DMAC2L: variants seen among roughly 807,000 people sequenced by gnomAD.
DMAC2L encodes the protein distal membrane arm assembly component 2 like, also known as ATP synthase subunit s, mitochondrial.
In DMAC2L, 21 loss-of-function variants were observed where a neutral mutation model predicts 22.5. The observed-to-expected ratio is 0.93, with a 90% confidence interval of 0.66 to 1.34. The LOEUF (loss-of-function observed/expected upper bound fraction) is 1.34. Ranked by LOEUF, DMAC2L falls within the 40% of genes most tolerant of loss-of-function variation. The pLI, the probability that DMAC2L is intolerant of heterozygous loss-of-function variation, is 0.00. For synonymous variants in DMAC2L, 86 were observed against 89.5 expected (o/e 0.96, Z 0.22); for missense variants, 239 against 246.5 (o/e 0.97, Z 0.20).
chr14:50,323,846 G>A (rs1324819163), intron 4 of DMAC2L, 99 bp from the exon 5 acceptor site: 14 of 979,586 alleles, frequency 1.4e-5, no homozygotes, highest in Non-Finnish European at 2.1e-5. Context: ...CCAGGACATA[G>A]GACTTTCAGT....
chr14:50,322,375 A>T (rs2032348225), intron 3 of DMAC2L, 136 bp from the exon 4 acceptor site: 6 of 858,226 alleles, frequency 7.0e-6, no homozygotes, highest in African/African-American at 2.3e-5. Context: ...TTTTGCATGG[A>T]TCTCACTAAT....
At position 50,325,829 on chromosome 14, in the gene DMAC2L, G is replaced by A. The variant is rs187362588; in HGVS notation, c.*106G>A. On this transcript the variant is annotated 3_prime_UTR_variant, in exon 6 of 6. Coordinates refer to ENST00000557421, the MANE Select transcript of DMAC2L (RefSeq NM_001382507.1). ...TAGAATTATAAGGATGCCATATCAT[G>A]ACATTTTAGAAGTGGAGAGTGCATC... The A allele has an allele frequency of 1.6e-5, 23 of 1,446,516 alleles. No homozygotes were observed. In the Admixed American group the frequency reaches 5.9e-4, roughly 37 times the overall value. The allele number at this position is 1,446,516 out of a possible 1,614,324, so 89.6% of individuals were successfully genotyped here. A position where few individuals can be genotyped will look rare whatever the true frequency, so the allele number is the denominator to read the frequency against.
rs146487831 is a variant in DMAC2L, at chr14:50,324,474, A to G, written c.488+358A>G. ...TTTTCAAGACATTTGGTATATACCTATTAGCATTTTACTGTGTAATTATTT... is the reference window on the plus strand; with the variant it reads ...TTTTCAAGACATTTGGTATATACCTGTTAGCATTTTACTGTGTAATTATTT... On this transcript the variant is annotated intron_variant, in intron 5 of 5. Coordinates refer to ENST00000557421, the MANE Select transcript of DMAC2L (RefSeq NM_001382507.1). The G allele has an allele frequency of 2.3e-3, 367 of 157,028 alleles. 1 individual carries two copies. In the Middle Eastern group the frequency reaches 0.062, roughly 26 times the overall value. 9.7% of individuals were successfully genotyped at this position (157,028 alleles called of 1,614,324 possible). A position where few individuals can be genotyped will look rare whatever the true frequency, so the allele number is the denominator to read the frequency against.
chr14:50,316,938 TA>T (rs2090640896), intron 2 of DMAC2L, among the ~76,000 whole-genome samples: 1 of 152,188 alleles, frequency 6.6e-6, no homozygotes, highest in South Asian at 2.1e-4. Context: ...AGAATGATGG[TA>T]TTTTTATGGG....
At chr14:50,315,120 C>G (rs1387225060) in intron 2 of DMAC2L, among the ~76,000 whole-genome samples, 1 of 152,026 alleles carries the variant, frequency 6.6e-6, no homozygotes, top group Non-Finnish European at 1.5e-5. Flanking sequence ...GCACCTGCCA[C>G]TATGCCCGGC....
At chr14:50,321,018 G>A (rs573075122) in intron 2 of DMAC2L, among the ~76,000 whole-genome samples, 2 of 152,268 alleles carry the variant, frequency 1.3e-5, no homozygotes, top group African/African-American at 4.8e-5. Context: ...AACACCACTT[G>A]CAGCCTTGTC....
chr14:50,322,421 G>A lies in DMAC2L; in HGVS notation c.108-90G>A, dbSNP rs567176711. The A allele has an allele frequency of 1.8e-4, 236 of 1,298,362 alleles. 3 individuals carry two copies. In the South Asian group the frequency reaches 3.9e-3, roughly 21 times the overall value. 80.4% of individuals were successfully genotyped at this position (1,298,362 alleles called of 1,614,324 possible). ...CGTCAGTCACTTGAAATGAAAATTT[G>A]TTGCGTTCTGTATTATTTATGTCAG... On this transcript the variant is annotated intron_variant, in intron 3 of 5. Transcript: ENST00000557421.
chr14:50,313,628 A>T (rs2031473173), intron 1 of DMAC2L, among the ~76,000 whole-genome samples: 1 of 152,218 alleles, frequency 6.6e-6, no homozygotes, highest in Admixed American at 6.5e-5. Context: ...AAGAATAGAG[A>T]TTCTGTGTAC....
chr14:50,319,453 A>G (rs770789019), intron 2 of DMAC2L, among the ~76,000 whole-genome samples: 36 of 152,202 alleles, frequency 2.4e-4, no homozygotes, highest in Non-Finnish European at 4.9e-4. Context: ...GATTGAGGAA[A>G]GGACCCTGGG....
intron 1 of DMAC2L, among the ~76,000 whole-genome samples, chr14:50,313,913 T>A (rs1361711084): frequency 6.6e-6 from 1 of 152,224 alleles, no homozygotes; most frequent in Non-Finnish European, 1.5e-5. Context: ...CAATCTATTC[T>A]CTGTTTCTAA....
Position 50,318,452 on chromosome 14 carries a change from G to C in DMAC2L, c.-5-3031G>C, listed in dbSNP as rs117229241. On this transcript the variant is annotated intron_variant, in intron 2 of 5. Transcript: ENST00000557421. ...TTTCGTTTAAGCTAAATTATAAGATGGGCCAAAATGAATCAAGCAAAAATA... is the reference window on the plus strand; with the variant it reads ...TTTCGTTTAAGCTAAATTATAAGATCGGCCAAAATGAATCAAGCAAAAATA... Among the ~76,000 whole-genome samples the C allele has an allele frequency of 8.0e-4, 121 of 152,170 alleles. 3 individuals carry two copies. In the East Asian group the frequency reaches 0.023, roughly 29 times the overall value.
At chr14:50,311,859 G>T, upstream of DMAC2L, 1 of 1,031,928 alleles carries the variant, frequency 9.7e-7, no homozygotes, top group Non-Finnish European at 1.4e-6. Context: ...CTGCAGGTTG[G>T]TAGCTCCTGG....
At chr14:50,320,946 G>A (rs1416284207) in intron 2 of DMAC2L, among the ~76,000 whole-genome samples, 1 of 152,228 alleles carries the variant, frequency 6.6e-6, no homozygotes, top group Non-Finnish European at 1.5e-5. Flanking sequence ...GAGAGGTGAA[G>A]TTACTTGCCC....
Position 50,321,522 on chromosome 14 carries a change from G to A in DMAC2L, c.35G>A (p.Cys12Tyr), listed in dbSNP as rs201427439. ...TTTGGAAAAATTTCCCAGCAGTTGTGTGGCGTAAAGAAACTCCCATGGTCA... is the reference window on the plus strand; with the variant it reads ...TTTGGAAAAATTTCCCAGCAGTTGTATGGCGTAAAGAAACTCCCATGGTCA... Reference protein sequence around the residue: ...MPFGKISQQLCGVKKLPWSCD... With the variant: ...MPFGKISQQLYGVKKLPWSCD... The change falls in exon 3 of 6, where the codon TGT becomes TAT. Residue 12 changes from cysteine to tyrosine, a missense_variant. Transcript: ENST00000557421. 2.7e-4 allele frequency: 433 copies of A among 1,614,110 alleles called. No homozygotes were observed. The highest frequency in any genetic ancestry group is 1.2e-3 in the Middle Eastern group (7 of 6,060).
chr14:50,323,695 TA>T (rs113147624), intron 4 of DMAC2L, among the ~76,000 whole-genome samples: 21 of 152,296 alleles, frequency 1.4e-4, no homozygotes, highest in African/African-American at 5.1e-4. Flanking sequence ...GGCCTGGCCC[TA>T]TGTGGGCATT....
In DMAC2L at chr14:50,325,851, C is replaced by T. The variant is rs1384040142; in HGVS notation, c.*128C>T. The T allele has an allele frequency of 7.3e-7, 1 of 1,369,582 alleles. No homozygotes were observed. Among genetic ancestry groups the T allele is most frequent in the Non-Finnish European group, 9.4e-7 (1 of 1,059,888 alleles). The allele number at this position is 1,369,582 out of a possible 1,614,324, so 84.8% of individuals were successfully genotyped here. On this transcript the variant is annotated 3_prime_UTR_variant, in exon 6 of 6. Coordinates refer to ENST00000557421, the MANE Select transcript of DMAC2L (RefSeq NM_001382507.1). Reference sequence around the variant, plus strand: ...CATGACATTTTAGAAGTGGAGAGTGCATCATATGTAGAAAATAAATATTCA... The same window carrying T: ...CATGACATTTTAGAAGTGGAGAGTGTATCATATGTAGAAAATAAATATTCA...
chr14:50,322,437 T>C, intron 3 of DMAC2L, 74 bp from the exon 4 acceptor site: 3 of 1,437,626 alleles, frequency 2.1e-6, no homozygotes, highest in Non-Finnish European at 2.8e-6. Flanking sequence ...TTCTGTATTA[T>C]TTATGTCAGT....
chr14:50,312,976 A>G, intron 1 of DMAC2L: 1 of 1,613,808 alleles, frequency 6.2e-7, no homozygotes, highest in African/African-American at 1.3e-5. Context: ...ACCATTTATA[A>G]GTCTGTGTCC....
chr14:50,311,921 G>A (rs749712546), upstream of DMAC2L: 1 of 1,510,012 alleles, frequency 6.6e-7, no homozygotes, highest in East Asian at 2.5e-5. Flanking sequence ...CCCCGGGACA[G>A]GGAAATACGA....
Sources: allele counts gnomAD v4.1 joint callset (sites outside exome capture counted in the v4.1 genomes callset), GRCh38; gene constraint gnomAD v4.1.1; transcripts MANE v1.5; gene names NCBI Gene and HGNC (gene_info 2026-07-23, HGNC 2026-07-21).